The following GMDS variants were observed in gnomAD, a reference collection of about 807,000 sequenced individuals.
GMDS encodes GDP-mannose 4,6 dehydratase.
GMDS carries 20 observed loss-of-function variants against 49.9 expected under a neutral mutation model. That is an observed-to-expected ratio of 0.40 (90% CI 0.28 to 0.58). GMDS has a LOEUF of 0.58. GMDS is among the 20% of genes least tolerant of loss of function. GMDS has a pLI of 0.42. For synonymous variants in GMDS, 177 were observed against 178.6 expected, an observed-to-expected ratio of 0.99 and a Z score of 0.07; for missense variants, 362 against 481.4, an observed-to-expected ratio of 0.75 and a Z score of 2.32.
At chr6:2,177,817 C>T (rs1373967021) in intron 1 of GMDS, among the ~76,000 whole-genome samples, 2 of 152,070 alleles carry the variant, frequency 1.3e-5, no homozygotes, top group Non-Finnish European at 2.9e-5. Context: ...ATCATCCTAC[C>T]AAAAAGACAT....
intron 9 of GMDS, among the ~76,000 whole-genome samples, chr6:1,678,998 T>C (rs1051674593): frequency 2.6e-5 from 4 of 152,194 alleles, no homozygotes; most frequent in Admixed American, 2.0e-4. Context: ...ATGAGTCCCA[T>C]TTACTGAAAC....
intron 4 of GMDS, among the ~76,000 whole-genome samples, chr6:1,974,002 A>C (rs971799843): frequency 1.3e-5 from 2 of 152,170 alleles, no homozygotes; most frequent in Admixed American, 6.5e-5. Context: ...GGTATATCCA[A>C]GTCTTTGTAA....
chr6:2,025,838 T>C (rs1343601391), intron 4 of GMDS, among the ~76,000 whole-genome samples: 2 of 152,096 alleles, frequency 1.3e-5, no homozygotes, highest in African/African-American at 2.4e-5. Flanking sequence ...AAAACCGACA[T>C]AGGAAATTGC....
At chr6:1,912,690 A>AAT (rs1273697686) in intron 7 of GMDS, among the ~76,000 whole-genome samples, 4 of 152,164 alleles carry the variant, frequency 2.6e-5, no homozygotes, top group South Asian at 2.1e-4. Flanking sequence ...GAAAAAATGA[A>AAT]ATATATATAT....
Position 2,092,424 on chromosome 6 carries a change from G to A in GMDS, c.345+23347C>T, listed in dbSNP as rs564634448. ...TAGAATTAATCATCACCTCATCCCA[G>A]CTTATGCAGCACTTTTTGTGTTTTC... On this transcript the variant is annotated intron_variant, in intron 4 of 10. Transcript: ENST00000380815. 2.6e-5 allele frequency among the ~76,000 whole-genome samples: 4 copies of A among 152,078 alleles called. No individual in the cohort carries two copies. The East Asian group carries it at 7.7e-4, about 29-fold the overall frequency.
chr6:2,091,215 C>G (rs1244693270), intron 4 of GMDS, among the ~76,000 whole-genome samples: 1 of 152,182 alleles, frequency 6.6e-6, no homozygotes, highest in African/African-American at 2.4e-5. Context: ...AAAGGAGATC[C>G]AAACTACCAT....
intron 4 of GMDS, among the ~76,000 whole-genome samples, chr6:2,061,259 C>T (rs1363109975): frequency 6.6e-6 from 1 of 152,128 alleles, no homozygotes; most frequent in East Asian, 1.9e-4. Context: ...CTTTACCACC[C>T]ACCATCCTCA....
intron 1 of GMDS, among the ~76,000 whole-genome samples, chr6:2,152,658 T>C (rs1185964472): frequency 6.6e-6 from 1 of 152,100 alleles, no homozygotes; most frequent in Non-Finnish European, 1.5e-5. Context: ...AGATTCAACA[T>C]CATGAAGAAA....
chr6:1,776,353 C>T (rs756989261), intron 7 of GMDS, among the ~76,000 whole-genome samples: 1 of 152,096 alleles, frequency 6.6e-6, no homozygotes, highest in Non-Finnish European at 1.5e-5. Context: ...AATTATGTCC[C>T]ACACAGAATT....
At chr6:2,172,781 G>T (rs1778083502) in intron 1 of GMDS, among the ~76,000 whole-genome samples, 1 of 152,036 alleles carries the variant, frequency 6.6e-6, no homozygotes, top group South Asian at 2.1e-4. Context: ...CACATTAGAA[G>T]AGCACACACC....
chr6:1,799,077 C>T (rs990331009), intron 7 of GMDS, among the ~76,000 whole-genome samples: 1 of 152,130 alleles, frequency 6.6e-6, no homozygotes, highest in Non-Finnish European at 1.5e-5. Flanking sequence ...TCCTACCGAT[C>T]CCTAGGATAT....
intron 1 of GMDS, among the ~76,000 whole-genome samples, chr6:2,134,207 T>C (rs1562086199): frequency 1.3e-5 from 2 of 152,226 alleles, no homozygotes; most frequent in Non-Finnish European, 2.9e-5. Flanking sequence ...AAATGAACAG[T>C]TGGCGAGATA....
intron 9 of GMDS, among the ~76,000 whole-genome samples, chr6:1,664,563 G>A (rs1380275934): frequency 6.6e-6 from 1 of 152,200 alleles, no homozygotes; most frequent in Non-Finnish European, 1.5e-5. Context: ...GCACAGCACG[G>A]ACAATCACAT....
intron 4 of GMDS, among the ~76,000 whole-genome samples, chr6:2,054,763 A>G (rs1177256896): frequency 6.6e-6 from 1 of 152,116 alleles, no homozygotes; most frequent in Non-Finnish European, 1.5e-5. Flanking sequence ...GGGGGAAAAA[A>G]AAAACATTGT....
At chr6:2,237,768 C>G (rs558517094) in intron 1 of GMDS, among the ~76,000 whole-genome samples, 64 of 152,156 alleles carry the variant, frequency 4.2e-4, no homozygotes, top group Non-Finnish European at 7.9e-4. Flanking sequence ...GTGATCTACC[C>G]ACCTTGGCCT....
chr6:1,869,419 G>A (rs1758609746), intron 7 of GMDS, among the ~76,000 whole-genome samples: 1 of 152,154 alleles, frequency 6.6e-6, no homozygotes, highest in African/African-American at 2.4e-5. Flanking sequence ...GGCCGATTGA[G>A]GGTTTAGACA....
At chr6:2,171,033 C>T (rs1253362181) in intron 1 of GMDS, among the ~76,000 whole-genome samples, 1 of 152,020 alleles carries the variant, frequency 6.6e-6, no homozygotes, top group African/African-American at 2.4e-5. Flanking sequence ...AAGTATGTAT[C>T]AGACTGAAAA....
At chr6:1,913,680 T>C (rs534534523) in intron 7 of GMDS, among the ~76,000 whole-genome samples, 8 of 152,318 alleles carry the variant, frequency 5.3e-5, no homozygotes, top group African/African-American at 9.6e-5. Flanking sequence ...ATCACTCCAG[T>C]TGAATTCTAA....
At chr6:1,899,728 A>G (rs116169729) in intron 7 of GMDS, among the ~76,000 whole-genome samples, 121 of 152,354 alleles carry the variant, frequency 7.9e-4, no homozygotes, top group African/African-American at 2.6e-3. Context: ...ACGCTGCATC[A>G]TTTGGAATTT....
Sources: allele counts gnomAD v4.1 joint callset (sites outside exome capture counted in the v4.1 genomes callset), GRCh38; gene constraint gnomAD v4.1.1; transcripts MANE v1.5; gene names NCBI Gene and HGNC (gene_info 2026-07-23, HGNC 2026-07-21).